TPMT: variants seen among roughly 807,000 people sequenced by gnomAD.
TPMT encodes thiopurine S-methyltransferase, also known as S-adenosyl-L-methionine:thiopurine S-methyltransferase.
Under a neutral mutation model 34.2 loss-of-function variants are expected in TPMT, and 18 were observed. The ratio of observed to expected loss-of-function variants is 0.53; its 90% CI spans 0.36 to 0.78. The LOEUF is 0.78. Ranked by LOEUF, TPMT falls within the 30% of genes least tolerant of loss-of-function variation. The probability of loss-of-function intolerance (pLI) is 0.00; values close to 1 mark genes in which losing one functional copy is unlikely to be tolerated. For missense variants in TPMT, 265 were observed against 288.1 expected, an observed-to-expected ratio of 0.92 and a Z score of 0.58; for synonymous variants, 69 against 92.4, an observed-to-expected ratio of 0.75 and a Z score of 1.45.
rs1334452748 is a variant in TPMT, at chr6:18,128,473, G to A, written c.*2195C>T. ...TCTCATTTGTATTTAAGATTCTTTG[G>A]GCACAACTGCAAGCGGAAAGGACTC... On this transcript the variant is annotated 3_prime_UTR_variant, in exon 9 of 9. Transcript: ENST00000309983. The surrounding 1 kb of genome is among the most constrained non-coding windows in gnomAD (Gnocchi z 4.6). 6.6e-6 allele frequency: 1 copy of A among 151,982 alleles called. No individual in the cohort carries two copies. The highest frequency in any genetic ancestry group is 2.4e-5 in the African/African-American group (1 of 41,348). 9.4% of individuals were successfully genotyped at this position (151,982 alleles called of 1,614,324 possible). A position where few individuals can be genotyped will look rare whatever the true frequency, so the allele number is the denominator to read the frequency against.
At position 18,154,170 on chromosome 6, in the gene TPMT, AC is replaced by A. The variant is rs1233229891; in HGVS notation, c.-45+862del. Among the ~76,000 whole-genome samples the A allele has an allele frequency of 1.3e-5, 2 of 152,160 alleles. No individual in the cohort carries two copies. Among genetic ancestry groups the A allele is most frequent in the Non-Finnish European group, 2.9e-5 (2 of 68,036 alleles). On this transcript the variant is annotated intron_variant, in intron 1 of 8. Transcript: ENST00000309983. The surrounding 1 kb of genome is among the most constrained non-coding windows in gnomAD (Gnocchi z 4.2). ...TGGGCTCAACGTCTTAGCTGTTCTA[AC>A]AGTTTCTCAGCATGGACTCCACTTG...
chr6:18,147,356 C>T (rs890536444), intron 3 of TPMT, among the ~76,000 whole-genome samples: 14 of 152,244 alleles, frequency 9.2e-5, no homozygotes, highest in East Asian at 5.8e-4. Context: ...CAATGATTCA[C>T]GATAACAGAA....
intron 1 of TPMT, among the ~76,000 whole-genome samples, chr6:18,151,574 ATT>A (rs1784355300): frequency 3.4e-5 from 1 of 29,654 alleles, no homozygotes; most frequent in African/African-American, 1.7e-4. Flanking sequence ...GGAAACCTAG[ATT>A]TATTTATTTA....
In TPMT at chr6:18,149,176, G is replaced by A. The variant is rs543679347; in HGVS notation, c.-44-5C>T. 11 of 1,612,116 alleles carry A rather than the reference G, an allele frequency of 6.8e-6. No individual in the cohort carries two copies. The African/African-American group carries it at 8.0e-5, about 12-fold the overall frequency. On this transcript the variant is annotated splice_region_variant and splice_polypyrimidine_tract_variant and intron_variant, in intron 1 of 8. Transcript: ENST00000309983. The surrounding 1 kb of genome is among the most constrained non-coding windows in gnomAD (Gnocchi z 5.0). Reference sequence around the variant, plus strand: ...ACAAGCATATGTCTTCCGTGCCTACGTGGAAAATATTTGCAATGTTGTCAT... The same window carrying A: ...ACAAGCATATGTCTTCCGTGCCTACATGGAAAATATTTGCAATGTTGTCAT...
rs1783869372 is a variant in TPMT, at chr6:18,128,564, G to A, written c.*2104C>T. On this transcript the variant is annotated 3_prime_UTR_variant, in exon 9 of 9. Coordinates refer to ENST00000309983, the MANE Select transcript of TPMT (RefSeq NM_000367.5). The surrounding 1 kb of genome is among the most constrained non-coding windows in gnomAD (Gnocchi z 4.6). ...CTGGGCTTCAGGGAGGATGAAAATG[G>A]ACCCAGGACGCAGGTGGCCTCTCTT... 1 of 152,214 alleles carries A rather than the reference G, an allele frequency of 6.6e-6. No homozygotes were observed. Among genetic ancestry groups the A allele is most frequent in the Non-Finnish European group, 1.5e-5 (1 of 68,080 alleles). 9.4% of individuals were successfully genotyped at this position (152,214 alleles called of 1,614,324 possible). A position where few individuals can be genotyped will look rare whatever the true frequency, so the allele number is the denominator to read the frequency against.
At position 18,148,079 on chromosome 6, in the gene TPMT, C is replaced by T. The variant is rs1784280819; in HGVS notation, c.141-164G>A. On this transcript the variant is annotated intron_variant, in intron 2 of 8. Coordinates refer to ENST00000309983, the MANE Select transcript of TPMT (RefSeq NM_000367.5). This position sits in a 1 kb window ranked among gnomAD's most constrained non-coding sequence, Gnocchi z 4.1. ...GAAACAGGTAACTTGCTCAGACACACACCCAGTCAGTGGTAAATCTGACTT... is the reference window on the plus strand; with the variant it reads ...GAAACAGGTAACTTGCTCAGACACATACCCAGTCAGTGGTAAATCTGACTT... Among the ~76,000 whole-genome samples, 1 of 152,212 alleles carries T rather than the reference C, an allele frequency of 6.6e-6. No individual in the cohort carries two copies. Among genetic ancestry groups the T allele is most frequent in the Non-Finnish European group, 1.5e-5 (1 of 68,038 alleles).
chr6:18,139,775 G>A lies in TPMT; in HGVS notation c.367-58C>T. The A allele has an allele frequency of 1.6e-6, 2 of 1,214,906 alleles. No individual in the cohort carries two copies. Among genetic ancestry groups the A allele is most frequent in the South Asian group, 2.6e-5 (2 of 75,984 alleles). 75.3% of individuals were successfully genotyped at this position (1,214,906 alleles called of 1,614,324 possible). A position where few individuals can be genotyped will look rare whatever the true frequency, so the allele number is the denominator to read the frequency against. ...TTTTTACTTAGTAAGTACTTGAATA[G>A]TCAAGGAAAGAGGGCCAAGCAAAGC... On this transcript the variant is annotated intron_variant, in intron 4 of 8. Transcript: ENST00000309983. This position sits in a 1 kb window ranked among gnomAD's most constrained non-coding sequence, Gnocchi z 4.2.
chr6:18,147,727 C>T (rs17839845), intron 3 of TPMT, 96 bp downstream of exon 3: 3 of 1,111,692 alleles, frequency 2.7e-6, no homozygotes, highest in Non-Finnish European at 2.7e-6. Flanking sequence ...CTGTGTATTT[C>T]CTGAAAATGG....
chr6:18,139,605 G>T lies in TPMT; in HGVS notation c.419+60C>A. 7.3e-7 allele frequency: 1 copy of T among 1,368,366 alleles called. No individual in the cohort carries two copies. The allele number at this position is 1,368,366 out of a possible 1,614,324, so 84.8% of individuals were successfully genotyped here. A position where few individuals can be genotyped will look rare whatever the true frequency, so the allele number is the denominator to read the frequency against. ...GTGAGGAAGACACCTCCACTCCCAT[G>T]CCTGCACTGCCTGGCAAGCATTCAA... is the stretch of plus-strand genomic sequence containing the variant. On this transcript the variant is annotated intron_variant, in intron 5 of 8. Transcript: ENST00000309983. This position sits in a 1 kb window ranked among gnomAD's most constrained non-coding sequence, Gnocchi z 4.2.
intron 1 of TPMT, among the ~76,000 whole-genome samples, chr6:18,151,708 T>C (rs1182155919): frequency 6.6e-6 from 1 of 151,970 alleles, no homozygotes; most frequent in Non-Finnish European, 1.5e-5. Context: ...TCCTCCCGCC[T>C]CAGCCTTTAA....
Position 18,139,350 on chromosome 6 carries a change from C to T in TPMT, c.420-313G>A, listed in dbSNP as rs1055892392. ...GTATCAGGGACTTTCAGGAGATGAGCTCTTATCTCCCTTGGCTACTTGAAA... is the reference window on the plus strand; with the variant it reads ...GTATCAGGGACTTTCAGGAGATGAGTTCTTATCTCCCTTGGCTACTTGAAA... On this transcript the variant is annotated intron_variant, in intron 5 of 8. Transcript: ENST00000309983. The surrounding 1 kb of genome is among the most constrained non-coding windows in gnomAD (Gnocchi z 4.2). 6.6e-6 allele frequency among the ~76,000 whole-genome samples: 1 copy of T among 152,200 alleles called. No individual in the cohort carries two copies. The highest frequency in any genetic ancestry group is 6.5e-5 in the Admixed American group (1 of 15,274).
In TPMT at chr6:18,133,872, A is replaced by T; in HGVS notation, c.512T>A (p.Phe171Tyr). The T allele has an allele frequency of 6.2e-7, 1 of 1,613,938 alleles. No individual in the cohort carries two copies. Reference sequence around the variant, plus strand: ...CTGAAACTTCTTTCCCAGGAGGGAAAACATTGTATCTGCATAGCTACAAAG... The same window carrying T: ...CTGAAACTTCTTTCCCAGGAGGGAATACATTGTATCTGCATAGCTACAAAG... Reference protein sequence around the residue: ...GDRKCYADTMFSLLGKKFQYL... With the variant: ...GDRKCYADTMYSLLGKKFQYL... Residue 171 changes from phenylalanine to tyrosine, a missense_variant, in exon 7 of 9, where the codon TTT becomes TAT. Transcript: ENST00000309983.
In TPMT at chr6:18,132,702, C is replaced by G. The variant is rs1783968410; in HGVS notation, c.581-525G>C. 6.6e-6 allele frequency among the ~76,000 whole-genome samples: 1 copy of G among 152,082 alleles called. No individual in the cohort carries two copies. The highest frequency in any genetic ancestry group is 1.5e-5 in the Non-Finnish European group (1 of 68,020). The stretch of plus-strand genomic sequence containing the variant: ...AGATTAGCAGAGCTAACTTCTGCCT[C>G]TATTAATTTCTATTTCCATTTGATT... On this transcript the variant is annotated intron_variant, in intron 7 of 8. Transcript: ENST00000309983. The surrounding 1 kb of genome is among the most constrained non-coding windows in gnomAD (Gnocchi z 4.8).
In TPMT at chr6:18,131,926, T is replaced by C. The variant is rs992022320; in HGVS notation, c.625+207A>G. On this transcript the variant is annotated intron_variant, in intron 8 of 8. Coordinates refer to ENST00000309983, the MANE Select transcript of TPMT (RefSeq NM_000367.5). The surrounding 1 kb of genome is among the most constrained non-coding windows in gnomAD (Gnocchi z 4.3). ...TCAAATAGTTGGGACTACAGGCACA[T>C]GCCACCACACTGGCCTAATTTTTGT... Among the ~76,000 whole-genome samples, 4 of 152,156 alleles carry C rather than the reference T, an allele frequency of 2.6e-5. No homozygotes were observed. Among genetic ancestry groups the C allele is most frequent in the Non-Finnish European group, 4.4e-5 (3 of 68,028 alleles).
In TPMT at chr6:18,149,194, GT is replaced by G; in HGVS notation, c.-44-24del. The G allele has an allele frequency of 3.1e-6, 5 of 1,599,060 alleles. No homozygotes were observed. Among genetic ancestry groups the G allele is most frequent in the Non-Finnish European group, 4.3e-6 (5 of 1,168,190 alleles). ...TGCCTACGTGGAAAATATTTGCAATGTTGTCATTTAAGGTCATTGGAATTCT... is the reference window on the plus strand; with the variant it reads ...TGCCTACGTGGAAAATATTTGCAATGTGTCATTTAAGGTCATTGGAATTCT... On this transcript the variant is annotated intron_variant, in intron 1 of 8. Coordinates refer to ENST00000309983, the MANE Select transcript of TPMT (RefSeq NM_000367.5). The surrounding 1 kb of genome is among the most constrained non-coding windows in gnomAD (Gnocchi z 5.0).
chr6:18,130,560 T>C lies in TPMT; in HGVS notation c.*108A>G. On this transcript the variant is annotated 3_prime_UTR_variant, in exon 9 of 9. Coordinates refer to ENST00000309983, the MANE Select transcript of TPMT (RefSeq NM_000367.5). This position sits in a 1 kb window ranked among gnomAD's most constrained non-coding sequence, Gnocchi z 4.2. ...CCATTTTTAGTAAAGATCTATCATA[T>C]GATTTATAAACAATTTTAAAAATTC... 2.6e-6 allele frequency: 2 copies of C among 783,702 alleles called. No individual in the cohort carries two copies. The highest frequency in any genetic ancestry group is 4.3e-6 in the Non-Finnish European group (2 of 468,480). 48.5% of individuals were successfully genotyped at this position (783,702 alleles called of 1,614,324 possible).
intron 4 of TPMT, among the ~76,000 whole-genome samples, chr6:18,142,860 C>A (rs1251995489): frequency 6.6e-6 from 1 of 152,028 alleles, no homozygotes; most frequent in African/African-American, 2.4e-5. Context: ...CAGAATCCTG[C>A]GGGTCTATCG....
At chr6:18,147,965 C>T (rs1420175348) in intron 2 of TPMT, 50 bp from the exon 3 acceptor site, 1 of 1,366,466 alleles carries the variant, frequency 7.3e-7, no homozygotes, top group Admixed American at 1.7e-5. Context: ...GGTAGGTGAA[C>T]ACTTTTCATT....
chr6:18,151,340 T>C (rs145835309), intron 1 of TPMT, among the ~76,000 whole-genome samples: 8,732 of 151,706 alleles, frequency 0.058, 336 homozygotes, highest in African/African-American at 0.1. Context: ...TGGTGGTGCA[T>C]GCCTGTAATC....
Sources: allele counts gnomAD v4.1 joint callset (sites outside exome capture counted in the v4.1 genomes callset), GRCh38; gene constraint gnomAD v4.1.1; non-coding constraint Gnocchi (gnomAD v3.1); transcripts MANE v1.5; gene names NCBI Gene and HGNC (gene_info 2026-07-23, HGNC 2026-07-21).